The following AGBL1 variants were observed in gnomAD, a reference collection of about 807,000 sequenced individuals.
The protein encoded by AGBL1 is AGBL carboxypeptidase 1.
In AGBL1, 130 loss-of-function variants were observed where a neutral mutation model predicts 118.9. That is an observed-to-expected ratio of 1.09 (90% CI 0.95 to 1.26). AGBL1 has a LOEUF of 1.26. Among genes scored for constraint, AGBL1 ranks in the 50% most tolerant of loss-of-function variants. AGBL1 has a pLI of 0.00. For synonymous variants in AGBL1, 555 were observed against 478.9 expected, an observed-to-expected ratio of 1.16 and a Z score of -2.08; for missense variants, 1,584 against 1,298.1, an observed-to-expected ratio of 1.22 and a Z score of -3.38.
At chr15:86,511,816 A>G (rs1423385831) in intron 18 of AGBL1, among the ~76,000 whole-genome samples, 1 of 151,996 alleles carries the variant, frequency 6.6e-6, no homozygotes, top group African/African-American at 2.4e-5. Context: ...AAAAGGATGA[A>G]GTAGGGCTCA....
At position 86,673,576 on chromosome 15, in the gene AGBL1, T is replaced by C. The variant is rs192858739; in HGVS notation, c.2995-697T>C. The stretch of plus-strand genomic sequence containing the variant: ...CTGTAGAATGGAGAAAAGAACAATC[T>C]CTACCTCACAGGGCTTTGGTAAGGA... On this transcript the variant is annotated intron_variant, in intron 21 of 22. Transcript: ENST00000614907. 7.2e-5 allele frequency among the ~76,000 whole-genome samples: 11 copies of C among 152,294 alleles called. No homozygotes were observed. In the East Asian group the frequency reaches 2.1e-3, roughly 29 times the overall value.
chr15:86,784,385 A>G (rs761336914), intron 22 of AGBL1, among the ~76,000 whole-genome samples: 2 of 152,198 alleles, frequency 1.3e-5, no homozygotes, highest in Non-Finnish European at 2.9e-5. Context: ...ATAATAGCCA[A>G]CATTTATTTC....
chr15:86,805,891 G>A (rs890151803), intron 22 of AGBL1, among the ~76,000 whole-genome samples: 1 of 152,086 alleles, frequency 6.6e-6, no homozygotes, highest in African/African-American at 2.4e-5. Context: ...AATAGAAGCA[G>A]GGAAAACCAA....
In AGBL1 at chr15:86,205,703, A is replaced by G. The variant is rs1198422164; in HGVS notation, c.489-19211A>G. Among the ~76,000 whole-genome samples the G allele has an allele frequency of 2.6e-5, 4 of 152,200 alleles. No individual in the cohort carries two copies. The East Asian group carries it at 5.8e-4, about 22-fold the overall frequency. On this transcript the variant is annotated intron_variant, in intron 5 of 22. Transcript: ENST00000614907. ...TTCTGATTTGCATTTCCTTGATGAC[A>G]TATGCTGTGAAGCATCTTTCCCTAT...
At chr15:87,018,062 A>G (rs949848720) in intron 24 of AGBL1, among the ~76,000 whole-genome samples, 34 of 152,106 alleles carry the variant, frequency 2.2e-4, no homozygotes, top group African/African-American at 8.0e-4. Flanking sequence ...ATAGGCAGAT[A>G]AGAATAGAGA....
intron 21 of AGBL1, among the ~76,000 whole-genome samples, chr15:86,619,227 T>C (rs2084771932): frequency 6.6e-6 from 1 of 152,186 alleles, no homozygotes; most frequent in African/African-American, 2.4e-5. Flanking sequence ...CAATATATCT[T>C]TTTTAATAGA....
Position 86,269,821 on chromosome 15 carries a change from A to C in AGBL1, c.1839-98A>C, listed in dbSNP as rs551945398. ...AGCTGGCTGAGATCCTGGGTCTTAG[A>C]TCTGTAACCCAGAAACTGAAACGTG... On this transcript the variant is annotated intron_variant, in intron 13 of 22. Transcript: ENST00000614907. 22 of 1,379,532 alleles carry C rather than the reference A, an allele frequency of 1.6e-5. No individual in the cohort carries two copies. The South Asian group carries it at 1.9e-4, about 12-fold the overall frequency. The allele number at this position is 1,379,532 out of a possible 1,614,324, so 85.5% of individuals were successfully genotyped here.
chr15:86,728,817 T>C (rs1363804281), intron 22 of AGBL1, among the ~76,000 whole-genome samples: 2 of 152,164 alleles, frequency 1.3e-5, no homozygotes, highest in African/African-American at 2.4e-5. Context: ...TGTGTTAAAA[T>C]ATAGATAAAA....
chr15:86,694,910 A>G (rs906264508), intron 22 of AGBL1, among the ~76,000 whole-genome samples: 4 of 152,082 alleles, frequency 2.6e-5, no homozygotes, highest in African/African-American at 7.2e-5. Context: ...TGCTTTGCAT[A>G]TATTAAACCA....
At chr15:86,114,589 A>G (rs929548212) in intron 1 of AGBL1, among the ~76,000 whole-genome samples, 1 of 152,194 alleles carries the variant, frequency 6.6e-6, no homozygotes, top group Non-Finnish European at 1.5e-5. Context: ...CCTCTAAAAC[A>G]AAAAGAAGTT....
rs191301724 is a variant in AGBL1, at chr15:86,171,686, T to G, written c.488+12660T>G. ...TCTCCACTCAGATGTCAATGTTGCA[T>G]ACTCTATGTAAGGGCAAATATATAA... On this transcript the variant is annotated intron_variant, in intron 5 of 22. Transcript: ENST00000614907. 2.0e-5 allele frequency among the ~76,000 whole-genome samples: 3 copies of G among 152,304 alleles called. No individual in the cohort carries two copies. The East Asian group carries it at 5.8e-4, about 29-fold the overall frequency.
intron 22 of AGBL1, among the ~76,000 whole-genome samples, chr15:86,802,793 A>G (rs546358746): frequency 5.3e-5 from 8 of 152,280 alleles, no homozygotes; most frequent in South Asian, 4.1e-4. Flanking sequence ...ACAGACCTGC[A>G]TTTAAACTGA....
chr15:86,647,501 A>C (rs1567101725), intron 21 of AGBL1, among the ~76,000 whole-genome samples: 1 of 152,170 alleles, frequency 6.6e-6, no homozygotes, highest in East Asian at 1.9e-4. Flanking sequence ...AGGAGTTTGA[A>C]ACCAGCCTGC....
In AGBL1 at chr15:86,901,234, TAA is replaced by T. The variant is rs146864411; in HGVS notation, c.3159-5851_3159-5850del. Among the ~76,000 whole-genome samples, 5 of 152,328 alleles carry T rather than the reference TAA, an allele frequency of 3.3e-5. No individual in the cohort carries two copies. The East Asian group carries it at 7.7e-4, about 23-fold the overall frequency. Reference sequence around the variant, plus strand: ...CTGTTTCATTTCTAAAAGATTTTTTTAAAGAGTTCAATTGCCTTTGGTGTCAA... The same window carrying T: ...CTGTTTCATTTCTAAAAGATTTTTTTAGAGTTCAATTGCCTTTGGTGTCAA... On this transcript the variant is annotated intron_variant, in intron 22 of 22. Transcript: ENST00000614907.
At chr15:86,243,571 CAGCA>C (rs921124310) in intron 6 of AGBL1, among the ~76,000 whole-genome samples, 2 of 152,128 alleles carry the variant, frequency 1.3e-5, no homozygotes, top group African/African-American at 4.8e-5. Context: ...ATGAGGCTGG[CAGCA>C]AGGGCCTGAT....
chr15:86,786,203 C>G (rs2141319796), intron 22 of AGBL1, among the ~76,000 whole-genome samples: 1 of 152,026 alleles, frequency 6.6e-6, no homozygotes, highest in Middle Eastern at 3.4e-3. Context: ...TGTGCTGCAC[C>G]CATTAACTCG....
chr15:86,685,156 GTTC>G (rs2086031133), intron 22 of AGBL1, among the ~76,000 whole-genome samples: 2 of 152,104 alleles, frequency 1.3e-5, no homozygotes, highest in Non-Finnish European at 2.9e-5. Flanking sequence ...GGGCTTAAAT[GTTC>G]TTACCAGGAA....
At chr15:86,239,176 A>T (rs1364072422) in intron 6 of AGBL1, among the ~76,000 whole-genome samples, 1 of 152,244 alleles carries the variant, frequency 6.6e-6, no homozygotes, top group East Asian at 1.9e-4. Flanking sequence ...TCTGAAGTGT[A>T]GTCTCTTACC....
At chr15:86,883,963 G>A (rs897038341) in intron 22 of AGBL1, among the ~76,000 whole-genome samples, 2 of 152,070 alleles carry the variant, frequency 1.3e-5, no homozygotes, top group African/African-American at 4.8e-5. Context: ...GCCTGAAACT[G>A]CAGATAGTAC....
Sources: gnomAD v4.1 joint callset for allele counts (sites outside exome capture counted in the v4.1 genomes callset) on GRCh38, gnomAD v4.1.1 for gene constraint, MANE v1.5 for transcripts, NCBI Gene and HGNC (gene_info 2026-07-23, HGNC 2026-07-21) for gene names.